The following BABAM2 variants were observed in gnomAD, a reference collection of about 807,000 sequenced individuals.
BABAM2 encodes BRISC and BRCA1-A complex member 2.
BABAM2 carries 31 observed loss-of-function variants against 54.7 expected under a neutral mutation model. The ratio of observed to expected loss-of-function variants is 0.57; its 90% CI spans 0.43 to 0.77. The LOEUF (loss-of-function observed/expected upper bound fraction) is 0.77, where lower values mean the gene tolerates loss of function less well. Ranked by LOEUF, BABAM2 falls within the 30% of genes least tolerant of loss-of-function variation. BABAM2 has a pLI of 0.00. For missense variants in BABAM2, 364 were observed against 455.8 expected (o/e 0.80, Z 1.83); for synonymous variants, 167 against 162.9 (o/e 1.03, Z -0.19).
At chr2:28,330,869 G>A (rs12714230) in intron 11 of BABAM2, among the ~76,000 whole-genome samples, 112,703 of 152,026 alleles carry the variant, frequency 0.74, 44,095 homozygotes, top group Non-Finnish European at 0.89. Context: ...AAAAGAGCCC[G>A]TATAGCCAAG....
intron 7 of BABAM2, among the ~76,000 whole-genome samples, chr2:28,160,614 C>T (rs1034759977): frequency 2.0e-5 from 3 of 150,986 alleles, no homozygotes; most frequent in South Asian, 2.1e-4. Flanking sequence ...AACCCATGGG[C>T]GGTACTTCCT....
chr2:27,946,254 CTCTG>C (rs1358054245), intron 3 of BABAM2, among the ~76,000 whole-genome samples: 1 of 151,934 alleles, frequency 6.6e-6, no homozygotes, highest in Non-Finnish European at 1.5e-5. Flanking sequence ...AATTTTTTTT[CTCTG>C]TCTACTTGGT....
At chr2:28,031,437 A>G (rs1676285195) in intron 5 of BABAM2, among the ~76,000 whole-genome samples, 1 of 152,192 alleles carries the variant, frequency 6.6e-6, no homozygotes, top group Non-Finnish European at 1.5e-5. Context: ...TACAGAATCA[A>G]CATTAAAAAT....
chr2:28,209,616 C>T (rs960111738), intron 7 of BABAM2, among the ~76,000 whole-genome samples: 20 of 152,170 alleles, frequency 1.3e-4, no homozygotes, highest in Admixed American at 7.9e-4. Flanking sequence ...TGTCATGTTA[C>T]TCATCCATTC....
At chr2:27,918,931 C>A (rs1321189546) in intron 2 of BABAM2, among the ~76,000 whole-genome samples, 1 of 152,144 alleles carries the variant, frequency 6.6e-6, no homozygotes, top group Admixed American at 6.5e-5. Context: ...CTCAAGTGAT[C>A]CACCTGACTT....
upstream of BABAM2, chr2:27,890,628 A>T (rs538347533): frequency 1.9e-5 from 6 of 317,496 alleles, no homozygotes; most frequent in African/African-American, 1.1e-4. The surrounding 1 kb of genome is among the most constrained non-coding windows in gnomAD (Gnocchi z 4.8). Flanking sequence ...ACTGTCAGGC[A>T]CCGCGGGGAC....
At chr2:28,219,399 T>C (rs78114291) in intron 7 of BABAM2, among the ~76,000 whole-genome samples, 3,241 of 152,328 alleles carry the variant, frequency 0.021, 92 homozygotes, top group African/African-American at 0.073. Context: ...CACTCCTCTG[T>C]TTTCCTCTTC....
At chr2:27,895,428 G>A (rs192197831) in intron 2 of BABAM2, among the ~76,000 whole-genome samples, 336 of 152,204 alleles carry the variant, frequency 2.2e-3, no homozygotes, top group South Asian at 9.9e-3. Context: ...ATCCACATGG[G>A]TTTGTCTAAT....
At chr2:28,177,044 T>C (rs1675085075) in intron 7 of BABAM2, among the ~76,000 whole-genome samples, 1 of 152,040 alleles carries the variant, frequency 6.6e-6, no homozygotes, top group Non-Finnish European at 1.5e-5. Context: ...GACATTCAAA[T>C]AACAAGAAGT....
At chr2:28,109,506 G>T (rs1335530579) in intron 6 of BABAM2, among the ~76,000 whole-genome samples, 1 of 151,994 alleles carries the variant, frequency 6.6e-6, no homozygotes, top group Admixed American at 6.6e-5. Context: ...TACTCTTAAG[G>T]TACATTTGAT....
chr2:27,999,176 A>AT (rs546593759), intron 4 of BABAM2, among the ~76,000 whole-genome samples: 81 of 149,674 alleles, frequency 5.4e-4, no homozygotes, highest in Middle Eastern at 3.4e-3. Flanking sequence ...GCACACTAAG[A>AT]TTTTTTTTTT....
At chr2:28,023,750 A>T (rs966214862) in intron 4 of BABAM2, among the ~76,000 whole-genome samples, 1 of 152,158 alleles carries the variant, frequency 6.6e-6, no homozygotes, top group Non-Finnish European at 1.5e-5. Context: ...AGAGCAAAGT[A>T]ATTCCTTTAA....
intron 11 of BABAM2, among the ~76,000 whole-genome samples, chr2:28,307,379 T>C (rs1319906365): frequency 6.6e-6 from 1 of 151,682 alleles, no homozygotes; most frequent in African/African-American, 2.4e-5. Flanking sequence ...CCCTACAGTC[T>C]TTCTATTCAT....
rs533545161 is a variant in BABAM2, at chr2:28,147,802, A to G, written c.680+18422A>G. On this transcript the variant is annotated intron_variant, in intron 7 of 11. Transcript: ENST00000379624. ...TTTAGGAAATTATTTTAGTAATAGG[A>G]CACATGTCTCAACGTGGATGTTGTA... Among the ~76,000 whole-genome samples the G allele has an allele frequency of 2.6e-5, 4 of 152,288 alleles. No individual in the cohort carries two copies. In the South Asian group the frequency reaches 6.2e-4, roughly 24 times the overall value.
At position 28,325,648 on chromosome 2, in the gene BABAM2, G is replaced by C. The variant is rs1690382612; in HGVS notation, c.1089-12802G>C. On this transcript the variant is annotated intron_variant, in intron 11 of 11. Transcript: ENST00000379624. This position sits in a 1 kb window ranked among gnomAD's most constrained non-coding sequence, Gnocchi z 4.3. The stretch of plus-strand genomic sequence containing the variant: ...CCAGAGAGCCAGGTGTCTGCGGTGT[G>C]ATTTCAGCTGTCAGGGGGATAAGGG... Among the ~76,000 whole-genome samples, 1 of 152,194 alleles carries C rather than the reference G, an allele frequency of 6.6e-6. No individual in the cohort carries two copies. Among genetic ancestry groups the C allele is most frequent in the Non-Finnish European group, 1.5e-5 (1 of 68,040 alleles).
At chr2:28,259,303 G>T (rs1684287440) in intron 10 of BABAM2, among the ~76,000 whole-genome samples, 1 of 151,388 alleles carries the variant, frequency 6.6e-6, no homozygotes, top group Admixed American at 6.6e-5. Context: ...GGCCAGGATG[G>T]TCTCCATCTC....
chr2:28,237,135 T>C, intron 7 of BABAM2, 67 bp from the exon 8 acceptor site: 1 of 1,375,804 alleles, frequency 7.3e-7, no homozygotes, highest in Non-Finnish European at 1.0e-6. Flanking sequence ...CAAGTCTGCT[T>C]GGGGGTGTCA....
chr2:28,109,187 T>G (rs1191906365), intron 6 of BABAM2, among the ~76,000 whole-genome samples: 2 of 139,682 alleles, frequency 1.4e-5, no homozygotes, highest in African/African-American at 5.3e-5. Context: ...ACATACTCTT[T>G]TTTTTTTTTT....
At chr2:27,930,965 C>T (rs1260066290) in intron 3 of BABAM2, among the ~76,000 whole-genome samples, 2 of 152,104 alleles carry the variant, frequency 1.3e-5, no homozygotes, top group Admixed American at 6.6e-5. Context: ...ATGGGTAAAC[C>T]GCTTTTTGAC....
Sources: gnomAD v4.1 joint callset for allele counts (sites outside exome capture counted in the v4.1 genomes callset) on GRCh38, gnomAD v4.1.1 for gene constraint, Gnocchi (gnomAD v3.1) non-coding constraint, MANE v1.5 for transcripts, NCBI Gene and HGNC (gene_info 2026-07-23, HGNC 2026-07-21) for gene names.